Variants in KIF26B observed in about 807,000 individuals in gnomAD.
KIF26B encodes kinesin-like protein KIF26B.
A neutral mutation model predicts 151.2 loss-of-function variants in KIF26B; 63 were observed. The observed-to-expected ratio is 0.42, with a 90% confidence interval of 0.34 to 0.51. The LOEUF is 0.51. KIF26B is among the 20% of genes least tolerant of loss of function. The probability of loss-of-function intolerance (pLI) is 0.07; values close to 1 mark genes in which losing one functional copy is unlikely to be tolerated. For synonymous variants in KIF26B, 1,357 were observed against 1,262.1 expected (o/e 1.08, Z -1.59); for missense variants, 2,813 against 2,913.6 (o/e 0.97, Z 0.79).
In KIF26B at chr1:245,686,951, A is replaced by G. The variant is rs202103904; in HGVS notation, c.3968A>G (p.Gln1323Arg). 2 of 1,613,516 alleles carry G rather than the reference A, an allele frequency of 1.2e-6. No individual in the cohort carries two copies. Among genetic ancestry groups the G allele is most frequent in the Admixed American group, 1.7e-5 (1 of 59,990 alleles). Residue 1323 changes from glutamine to arginine, a missense_variant, in exon 12 of 15, where the codon CAG becomes CGG. By Grantham distance (43) the Gln-to-Arg change is conservative. This residue lies in a region of KIF26B where 2,060 missense variants were observed against 2,088.6 expected (regional missense o/e 0.99). Transcript: ENST00000407071. The surrounding 1 kb of genome is among the most constrained non-coding windows in gnomAD (Gnocchi z 5.6). Reference sequence around the variant, plus strand: ...GCCTCGGAGTTTGTCAGCAGCCTCCAGAACACCGCTGTGGTGTGCAGAGAG... The same window carrying G: ...GCCTCGGAGTTTGTCAGCAGCCTCCGGAACACCGCTGTGGTGTGCAGAGAG... ...PVASEFVSSL[Q>R]NTAVVCREKP...
At chr1:245,215,051 C>T (rs1669617154) in intron 2 of KIF26B, among the ~76,000 whole-genome samples, 1 of 152,172 alleles carries the variant, frequency 6.6e-6, no homozygotes, top group Non-Finnish European at 1.5e-5. Context: ...GTTCTGCATA[C>T]ATCTCCCTAA....
chr1:245,605,767 C>T lies in KIF26B; in HGVS notation c.1558-1884C>T, dbSNP rs148536070. On this transcript the variant is annotated intron_variant, in intron 6 of 14. Coordinates refer to ENST00000407071, the MANE Select transcript of KIF26B (RefSeq NM_018012.4). ...CTTAACACACACCAGATGGACAGCCCGCTGACCACGCTCTTCTCAGTGGAG... is the reference window on the plus strand; with the variant it reads ...CTTAACACACACCAGATGGACAGCCTGCTGACCACGCTCTTCTCAGTGGAG... 7.1e-4 allele frequency among the ~76,000 whole-genome samples: 108 copies of T among 152,204 alleles called. 2 individuals carry two copies. The highest frequency in any genetic ancestry group is 2.0e-3 in the African/African-American group (85 of 41,562).
chr1:245,361,174 C>T (rs1055643025), intron 2 of KIF26B, among the ~76,000 whole-genome samples: 1 of 152,200 alleles, frequency 6.6e-6, no homozygotes, highest in Admixed American at 6.5e-5. Context: ...TTGCAGCAAG[C>T]AGCCCTATTA....
chr1:245,156,485 C>T lies in KIF26B; in HGVS notation c.267C>T (p.Ser89=). 1.3e-6 allele frequency: 2 copies of T among 1,526,512 alleles called. No homozygotes were observed. The highest frequency in any genetic ancestry group is 1.8e-6 in the Non-Finnish European group (2 of 1,140,278). 94.6% of individuals were successfully genotyped at this position (1,526,512 alleles called of 1,614,324 possible). A position where few individuals can be genotyped will look rare whatever the true frequency, so the allele number is the denominator to read the frequency against. The stretch of plus-strand genomic sequence containing the variant: ...TCACCGGCTCCCCGGGACCCGCCTC[C>T]CCCGGCATCGGCACTAGTTCGCCGG... ...SSFTGSPGPA[S]PGIGTSSPGS... is the part of the protein sequence containing the mutation. The change falls in exon 2 of 15, where the codon TCC becomes TCT. Residue 89 remains serine, a synonymous_variant. Coordinates refer to ENST00000407071, the MANE Select transcript of KIF26B (RefSeq NM_018012.4).
chr1:245,390,938 A>AAAAAAAAAAAAAAAAAAAAAAACAAAAC (rs1673676387), intron 3 of KIF26B, among the ~76,000 whole-genome samples: 1 of 95,966 alleles, frequency 1.0e-5, no homozygotes, highest in African/African-American at 8.6e-5. Flanking sequence ...AAAAAAAAAA[A>AAAAAAAAAAAAAAAAAAAAAAACAAAAC]AAAAAAAAAA....
intron 4 of KIF26B, among the ~76,000 whole-genome samples, chr1:245,480,779 TTAA>T (rs1558183030): frequency 1.1e-5 from 1 of 93,966 alleles, no homozygotes; most frequent in Non-Finnish European, 1.9e-5. Flanking sequence ...TTTTAAAATG[TTAA>T]AAAAAAAAAA....
rs974991732 is a variant in KIF26B at position 245,540,200 on chromosome 1, C to A, written c.1167-567C>A. Among the ~76,000 whole-genome samples, 1 of 152,136 alleles carries A rather than the reference C, an allele frequency of 6.6e-6. No individual in the cohort carries two copies. Among genetic ancestry groups the A allele is most frequent in the Non-Finnish European group, 1.5e-5 (1 of 68,028 alleles). Reference sequence around the variant, plus strand: ...CAGCCCATAGCCTCAGCGCCCTGCACCCTGGTTGGAGTTCACCTTCTGATT... The same window carrying A: ...CAGCCCATAGCCTCAGCGCCCTGCAACCTGGTTGGAGTTCACCTTCTGATT... On this transcript the variant is annotated intron_variant, in intron 4 of 14. Coordinates refer to ENST00000407071, the MANE Select transcript of KIF26B (RefSeq NM_018012.4). The surrounding 1 kb of genome is among the most constrained non-coding windows in gnomAD (Gnocchi z 4.6).
At chr1:245,312,273 C>T (rs1272687842) in intron 2 of KIF26B, among the ~76,000 whole-genome samples, 1 of 152,074 alleles carries the variant, frequency 6.6e-6, no homozygotes, top group Non-Finnish European at 1.5e-5. Flanking sequence ...ACTGATGGCC[C>T]GTGTCAGCTT....
intron 2 of KIF26B, among the ~76,000 whole-genome samples, chr1:245,313,803 C>T (rs1170880387): frequency 6.6e-6 from 1 of 152,178 alleles, no homozygotes; most frequent in Non-Finnish European, 1.5e-5. Context: ...ATACCATTTT[C>T]GTCATTAAAT....
At position 245,156,547 on chromosome 1, in the gene KIF26B, C is replaced by A; in HGVS notation, c.329C>A (p.Ser110Tyr). 1 of 1,535,430 alleles carries A rather than the reference C, an allele frequency of 6.5e-7. No homozygotes were observed. Residue 110 changes from serine (S) to tyrosine (Y), a missense_variant, in exon 2 of 15, where the codon TCC becomes TAC. This residue lies in a region of KIF26B where 676 missense variants were observed against 688.1 expected (regional missense o/e 0.98). Coordinates refer to ENST00000407071, the MANE Select transcript of KIF26B (RefSeq NM_018012.4). ...GGCTCTCCGGGCTTCGGCACAGGCTCCCCGGGCTCCGGCAGCGGCGGCGGC... is the reference window on the plus strand; with the variant it reads ...GGCTCTCCGGGCTTCGGCACAGGCTACCCGGGCTCCGGCAGCGGCGGCGGC... Reference protein sequence around the residue: ...LGGSPGFGTGSPGSGSGGGSS... With the variant: ...LGGSPGFGTGYPGSGSGGGSS...
intron 3 of KIF26B, among the ~76,000 whole-genome samples, chr1:245,410,191 T>C (rs1674242907): frequency 6.6e-6 from 1 of 152,186 alleles, no homozygotes; most frequent in Non-Finnish European, 1.5e-5. Flanking sequence ...ATCCCAGTTC[T>C]TCCTCCTGTA....
At chr1:245,321,338 C>T (rs748130540) in intron 2 of KIF26B, among the ~76,000 whole-genome samples, 15 of 152,182 alleles carry the variant, frequency 9.9e-5, no homozygotes, top group African/African-American at 2.9e-4. Flanking sequence ...TTCTTTCCAT[C>T]GAAGTTACAT....
chr1:245,680,698 G>A (rs570264512), intron 10 of KIF26B, among the ~76,000 whole-genome samples: 13 of 152,326 alleles, frequency 8.5e-5, no homozygotes, highest in Non-Finnish European at 1.5e-5. Flanking sequence ...ATCTTTTGCA[G>A]ATTCTGTATT....
Position 245,419,654 on chromosome 1 carries a change from C to A in KIF26B, c.1075C>A (p.Pro359Thr), listed in dbSNP as rs1306740336. 2.5e-6 allele frequency: 4 copies of A among 1,613,738 alleles called. No individual in the cohort carries two copies. Among genetic ancestry groups the A allele is most frequent in the African/African-American group, 2.7e-5 (2 of 74,922 alleles). ...AVLNRYNADK[P>T]SACSVPASQG... The stretch of plus-strand genomic sequence containing the variant: ...GCTGAACCGCTACAATGCAGACAAG[C>A]CTTCCGCCTGCAGTGTCCCAGCCTC... Residue 359 changes from proline (P) to threonine (T), a missense_variant, in exon 4 of 15, where the codon CCT becomes ACT. Pro to Thr is a conservative substitution (Grantham distance 38, BLOSUM62 -1). This residue lies in a region of KIF26B where 676 missense variants were observed against 688.1 expected (regional missense o/e 0.98). Transcript: ENST00000407071.
rs553676072 is a variant in KIF26B at position 245,539,814 on chromosome 1, G to A, written c.1167-953G>A. ...ATTACAGGCATGCACCACCACACCC[G>A]GCTAATTTTTGTATTTTTAGTAGAG... On this transcript the variant is annotated intron_variant, in intron 4 of 14. Coordinates refer to ENST00000407071, the MANE Select transcript of KIF26B (RefSeq NM_018012.4). 2.9e-3 allele frequency among the ~76,000 whole-genome samples: 442 copies of A among 152,082 alleles called. 2 individuals are homozygous for A. Among genetic ancestry groups the A allele is most frequent in the South Asian group, 6.6e-3 (32 of 4,816 alleles).
At chr1:245,303,239 C>A in intron 2 of KIF26B, among the ~76,000 whole-genome samples, 1 of 143,364 alleles carries the variant, frequency 7.0e-6, no homozygotes, top group South Asian at 2.2e-4. Flanking sequence ...CGCTTTGTCG[C>A]CCAGGCCGGA....
chr1:245,412,138 G>A (rs1349504694), intron 3 of KIF26B, among the ~76,000 whole-genome samples: 7 of 152,206 alleles, frequency 4.6e-5, no homozygotes, highest in African/African-American at 1.7e-4. Flanking sequence ...GCTGTGGATG[G>A]TCTTTTCCAA....
At chr1:245,290,645 G>T (rs1039573628) in intron 2 of KIF26B, among the ~76,000 whole-genome samples, 19 of 152,302 alleles carry the variant, frequency 1.2e-4, no homozygotes, top group African/African-American at 4.6e-4. Flanking sequence ...CTTCTTTACT[G>T]CAACCTGTTT....
chr1:245,496,531 A>G (rs1201245113), intron 4 of KIF26B, among the ~76,000 whole-genome samples: 1 of 152,216 alleles, frequency 6.6e-6, no homozygotes, highest in Non-Finnish European at 1.5e-5. Flanking sequence ...AAGGACACAT[A>G]ATGTAATCTG....
Sources: allele counts gnomAD v4.1 joint callset (sites outside exome capture counted in the v4.1 genomes callset), GRCh38; gene constraint gnomAD v4.1.1; regional missense constraint gnomAD v4.1.1; non-coding constraint Gnocchi (gnomAD v3.1); transcripts MANE v1.5; gene names NCBI Gene and HGNC (gene_info 2026-07-23, HGNC 2026-07-21).